Variants in SLC30A9 observed in about 807,000 individuals in gnomAD.
SLC30A9 encodes solute carrier family 30 member 9.
Under a neutral mutation model 87.5 loss-of-function variants are expected in SLC30A9, and 58 were observed. That is an observed-to-expected ratio of 0.66 (90% confidence interval 0.54 to 0.82). SLC30A9 has a LOEUF of 0.82. Among genes scored for constraint, SLC30A9 ranks in the 40% least tolerant of loss-of-function variants. SLC30A9 has a pLI of 0.00. For synonymous variants in SLC30A9, 234 were observed against 233.0 expected (o/e 1.00, Z -0.04); for missense variants, 557 against 679.1 (o/e 0.82, Z 2.00).
chr4:42,067,004 G>T, intron 13 of SLC30A9, 81 bp from the exon 14 acceptor site: 1 of 793,972 alleles, frequency 1.3e-6, no homozygotes, highest in Non-Finnish European at 2.2e-6. Flanking sequence ...ATTTTAAATG[G>T]ATACTTATTA....
chr4:42,035,183 A>T, intron 6 of SLC30A9, 92 bp from the exon 7 acceptor site: 2 of 1,316,126 alleles, frequency 1.5e-6, no homozygotes, highest in Non-Finnish European at 2.1e-6. Flanking sequence ...AGTAGCGCAT[A>T]TTTAACATAG....
At position 41,990,593 on chromosome 4, in the gene SLC30A9, A is replaced by G. The variant is rs1714379759; in HGVS notation, c.-59A>G. ...TGTCCAGTCTATGGAGTCAGTTGGT[A>G]CCGGTGGCGGCGCGGAGGCAGAAGG... On this transcript the variant is annotated 5_prime_UTR_variant, in exon 1 of 18. Coordinates refer to ENST00000264451, the MANE Select transcript of SLC30A9 (RefSeq NM_006345.4). 9.8e-7 allele frequency: 1 copy of G among 1,022,848 alleles called. No individual in the cohort carries two copies. Among genetic ancestry groups the G allele is most frequent in the Admixed American group, 2.2e-5 (1 of 45,696 alleles). 63.4% of individuals were successfully genotyped at this position (1,022,848 alleles called of 1,614,324 possible).
intron 1 of SLC30A9, among the ~76,000 whole-genome samples, chr4:42,000,874 T>G (rs1255303962): frequency 6.6e-6 from 1 of 152,058 alleles, no homozygotes; most frequent in East Asian, 1.9e-4. Context: ...ATGAATGATA[T>G]CTATATAGGG....
intron 1 of SLC30A9, among the ~76,000 whole-genome samples, chr4:41,991,005 G>A (rs1043872455): frequency 6.6e-6 from 1 of 152,246 alleles, no homozygotes; most frequent in Non-Finnish European, 1.5e-5. Context: ...TCGCGGGCCG[G>A]ATTGCACCTC....
intron 14 of SLC30A9, among the ~76,000 whole-genome samples, chr4:42,067,624 G>C (rs1718133634): frequency 1.3e-5 from 2 of 152,130 alleles, no homozygotes; most frequent in Non-Finnish European, 2.9e-5. Context: ...TGTTCAACTT[G>C]ATTTTGTTAT....
At chr4:42,020,599 C>T (rs1179682381) in intron 4 of SLC30A9, 84 bp downstream of exon 4, 2 of 683,460 alleles carry the variant, frequency 2.9e-6, no homozygotes, top group Non-Finnish European at 4.8e-6. Flanking sequence ...TTACCTGCTA[C>T]CATCCATATA....
intron 17 of SLC30A9, among the ~76,000 whole-genome samples, chr4:42,080,436 G>A (rs542951662): frequency 6.6e-6 from 1 of 152,312 alleles, no homozygotes; most frequent in South Asian, 2.1e-4. Context: ...CAAACATGAA[G>A]TTTCAGTTGT....
chr4:42,024,370 A>G (rs547074169), intron 6 of SLC30A9, among the ~76,000 whole-genome samples: 34 of 152,320 alleles, frequency 2.2e-4, no homozygotes, highest in Admixed American at 7.8e-4. Context: ...CTTGCTCTTT[A>G]TAGATAGTGG....
intron 2 of SLC30A9, among the ~76,000 whole-genome samples, chr4:42,013,149 G>A (rs1715522897): frequency 6.6e-6 from 1 of 152,018 alleles, no homozygotes; most frequent in African/African-American, 2.4e-5. Flanking sequence ...TGATGTGATA[G>A]TGTTCACCTC....
In SLC30A9 at chr4:42,023,286, A is replaced by T. The variant is rs1408780441; in HGVS notation, c.528-16A>T. On this transcript the variant is annotated splice_polypyrimidine_tract_variant and intron_variant, in intron 5 of 17. Coordinates refer to ENST00000264451, the MANE Select transcript of SLC30A9 (RefSeq NM_006345.4). Reference sequence around the variant, plus strand: ...ATTAAAATTGTTCATTGTGGTGACCATGTGTGTATGCACAGATCTTTGGAA... The same window carrying T: ...ATTAAAATTGTTCATTGTGGTGACCTTGTGTGTATGCACAGATCTTTGGAA... 1.9e-6 allele frequency: 3 copies of T among 1,571,182 alleles called. No homozygotes were observed. The highest frequency in any genetic ancestry group is 2.7e-5 in the African/African-American group (2 of 74,134).
At chr4:42,039,466 CT>C (rs34260301) in intron 8 of SLC30A9, among the ~76,000 whole-genome samples, 5,576 of 141,280 alleles carry the variant, frequency 0.039, 121 homozygotes, top group Non-Finnish European at 0.059. Flanking sequence ...TTTGCCTCCT[CT>C]TTTTTTTTTT....
intron 9 of SLC30A9, among the ~76,000 whole-genome samples, chr4:42,051,088 C>T (rs1170185159): frequency 6.6e-6 from 1 of 152,140 alleles, no homozygotes; most frequent in East Asian, 1.9e-4. Context: ...GACTAATTCC[C>T]ACTGCTCACA....
chr4:42,033,737 G>A (rs1333905273), intron 6 of SLC30A9, among the ~76,000 whole-genome samples: 1 of 152,080 alleles, frequency 6.6e-6, no homozygotes, highest in Non-Finnish European at 1.5e-5. Flanking sequence ...CACCATGCCT[G>A]GCTAATTTTT....
intron 8 of SLC30A9, among the ~76,000 whole-genome samples, chr4:42,045,331 GAA>G (rs1717103423): frequency 6.6e-6 from 1 of 151,842 alleles, no homozygotes; most frequent in African/African-American, 2.4e-5. Context: ...TAATAAAAAA[GAA>G]AAGAGAGGAG....
chr4:42,036,792 T>A (rs1027761355), intron 7 of SLC30A9, among the ~76,000 whole-genome samples: 1 of 152,240 alleles, frequency 6.6e-6, no homozygotes, highest in Admixed American at 6.5e-5. Flanking sequence ...GCCCTGAAGA[T>A]GTGGACTCTC....
intron 2 of SLC30A9, among the ~76,000 whole-genome samples, chr4:42,009,397 A>C (rs1043233056): frequency 1.3e-5 from 2 of 152,252 alleles, no homozygotes; most frequent in African/African-American, 2.4e-5. Context: ...GGAACAGCTC[A>C]TTAAGAAGCA....
At chr4:42,082,073 C>T (rs1441023102) in intron 17 of SLC30A9, among the ~76,000 whole-genome samples, 3 of 151,714 alleles carry the variant, frequency 2.0e-5, no homozygotes, top group Non-Finnish European at 4.4e-5. Flanking sequence ...AAATATTAGC[C>T]GGGCGTGGTG....
At chr4:42,049,623 G>A in intron 9 of SLC30A9, 144 bp downstream of exon 9, 1 of 462,560 alleles carries the variant, frequency 2.2e-6, no homozygotes, top group East Asian at 3.3e-5. Flanking sequence ...GCAATGAAGT[G>A]CATAGAAATT....
intron 9 of SLC30A9, among the ~76,000 whole-genome samples, chr4:42,052,026 AAGTG>A (rs1225224532): frequency 4.0e-5 from 6 of 150,888 alleles, no homozygotes; most frequent in African/African-American, 7.3e-5. Flanking sequence ...ATTATATCAT[AAGTG>A]AGTAAGATTT....
Sources: allele counts gnomAD v4.1 joint callset (sites outside exome capture counted in the v4.1 genomes callset), GRCh38; gene constraint gnomAD v4.1.1; transcripts MANE v1.5; gene names NCBI Gene and HGNC (gene_info 2026-07-23, HGNC 2026-07-21).